The following PPP4R3B variants were observed in gnomAD, a reference collection of about 807,000 sequenced individuals.
PPP4R3B encodes the protein protein phosphatase 4 regulatory subunit 3B, also known as serine/threonine-protein phosphatase 4 regulatory subunit 3B.
In PPP4R3B, 52 loss-of-function variants were observed where a neutral mutation model predicts 95.4. The observed-to-expected ratio is 0.54, with a 90% CI of 0.44 to 0.69. PPP4R3B has a LOEUF of 0.69. Ranked by LOEUF, PPP4R3B falls within the 30% of genes least tolerant of loss-of-function variation. PPP4R3B has a pLI of 0.00. For synonymous variants in PPP4R3B, 407 were observed against 343.9 expected (o/e 1.18, Z -2.03); for missense variants, 1,003 against 1,005.9 (o/e 1.00, Z 0.04).
chr2:55,591,244 TTCCTCCC>T (rs1199884434), intron 4 of PPP4R3B, among the ~76,000 whole-genome samples: 2 of 151,530 alleles, frequency 1.3e-5, no homozygotes, highest in African/African-American at 2.4e-5. Context: ...TCAAGCAATC[TTCCTCCC>T]TCAGACTCCC....
At chr2:55,594,704 T>A (rs745520595) in intron 4 of PPP4R3B, among the ~76,000 whole-genome samples, 1 of 152,282 alleles carries the variant, frequency 6.6e-6, no homozygotes, top group East Asian at 1.9e-4. Flanking sequence ...CTCTGTCCAA[T>A]CTCCTAAGAT....
intron 16 of PPP4R3B, among the ~76,000 whole-genome samples, chr2:55,552,149 C>T (rs1685321192): frequency 6.6e-6 from 1 of 152,078 alleles, no homozygotes; most frequent in South Asian, 2.1e-4. Context: ...ACATTTAAAA[C>T]ATGTTTACAA....
intron 16 of PPP4R3B, among the ~76,000 whole-genome samples, chr2:55,558,289 C>G: frequency 6.6e-6 from 1 of 152,166 alleles, no homozygotes; most frequent in Middle Eastern, 3.2e-3. Context: ...AACTTAAGTG[C>G]TCCAAAATAG....
At chr2:55,617,044 T>C in intron 1 of PPP4R3B, 100 bp downstream of exon 1, 1 of 1,396,350 alleles carries the variant, frequency 7.2e-7, no homozygotes, top group South Asian at 1.4e-5. Flanking sequence ...CAACGCGCTG[T>C]CCCGAAGGAG....
At chr2:55,575,868 G>A (rs1201997164) in intron 11 of PPP4R3B, among the ~76,000 whole-genome samples, 3 of 152,200 alleles carry the variant, frequency 2.0e-5, no homozygotes, top group African/African-American at 4.8e-5. Flanking sequence ...GAACTACAAT[G>A]CTATTGGAAA....
chr2:55,586,970 G>T (rs1414088568), intron 5 of PPP4R3B, among the ~76,000 whole-genome samples: 9 of 152,300 alleles, frequency 5.9e-5, no homozygotes, highest in South Asian at 2.1e-4. Context: ...CAAGGTAAAT[G>T]TAAGCTGGCT....
intron 4 of PPP4R3B, among the ~76,000 whole-genome samples, chr2:55,596,018 GATAA>G (rs1373907215): frequency 1.3e-5 from 2 of 152,142 alleles, no homozygotes; most frequent in South Asian, 2.1e-4. Flanking sequence ...GGATTAACAT[GATAA>G]ATATAGTATA....
At chr2:55,609,203 G>A (rs1693834080) in intron 2 of PPP4R3B, among the ~76,000 whole-genome samples, 1 of 151,934 alleles carries the variant, frequency 6.6e-6, no homozygotes, top group Non-Finnish European at 1.5e-5. Context: ...CTGGAGTGCA[G>A]TTGGCTATTC....
At chr2:55,577,912 C>G (rs771395126) in intron 10 of PPP4R3B, among the ~76,000 whole-genome samples, 1 of 151,702 alleles carries the variant, frequency 6.6e-6, no homozygotes, top group South Asian at 2.1e-4. Context: ...CAGGGAAACA[C>G]AAGAATGTAA....
At chr2:55,586,109 T>G (rs1206843164) in intron 6 of PPP4R3B, among the ~76,000 whole-genome samples, 2 of 152,210 alleles carry the variant, frequency 1.3e-5, no homozygotes, top group African/African-American at 4.8e-5. Context: ...AAAGTTATAT[T>G]GATTTCAATC....
intron 16 of PPP4R3B, among the ~76,000 whole-genome samples, chr2:55,555,277 C>CA (rs1558936057): frequency 2.0e-5 from 1 of 50,226 alleles, no homozygotes; most frequent in Non-Finnish European, 5.2e-5. Flanking sequence ...AAGACTCCGT[C>CA]TAAAAAAAAA....
At chr2:55,564,770 C>T in intron 14 of PPP4R3B, 132 bp downstream of exon 14, 1 of 1,028,282 alleles carries the variant, frequency 9.7e-7, no homozygotes, top group South Asian at 1.5e-5. Flanking sequence ...GACGCCTTAC[C>T]CTCCTATTCA....
intron 4 of PPP4R3B, among the ~76,000 whole-genome samples, chr2:55,596,997 C>T (rs1055930048): frequency 5.3e-5 from 8 of 151,724 alleles, no homozygotes; most frequent in African/African-American, 9.7e-5. Context: ...GCTGCATCAT[C>T]GATATATATA....
chr2:55,599,587 G>T (rs189263006), intron 3 of PPP4R3B, among the ~76,000 whole-genome samples: 1 of 152,164 alleles, frequency 6.6e-6, no homozygotes, highest in African/African-American at 2.4e-5. Flanking sequence ...GTTGTGACAA[G>T]CCATTGAAAT....
intron 1 of PPP4R3B, 51 bp downstream of exon 1, chr2:55,617,093 G>A: frequency 1.3e-6 from 2 of 1,540,528 alleles, no homozygotes; most frequent in Non-Finnish European, 1.8e-6. Context: ...AACCCAAGCT[G>A]TGCCCCAACC....
intron 16 of PPP4R3B, 63 bp downstream of exon 16, chr2:55,558,712 T>C: frequency 7.8e-7 from 1 of 1,289,888 alleles, no homozygotes; most frequent in Non-Finnish European, 1.0e-6. Context: ...TTTTTTTCAG[T>C]AAACATGAAA....
chr2:55,579,172 G>A (rs57883523), intron 9 of PPP4R3B, among the ~76,000 whole-genome samples: 11 of 151,918 alleles, frequency 7.2e-5, no homozygotes, highest in African/African-American at 2.4e-4. Flanking sequence ...TACGGGTGCC[G>A]ATTACATAAG....
chr2:55,615,690 A>C (rs1451960618), intron 1 of PPP4R3B, among the ~76,000 whole-genome samples, 184 bp from the exon 2 acceptor site: 1 of 151,810 alleles, frequency 6.6e-6, no homozygotes, highest in Non-Finnish European at 1.5e-5. Context: ...CGTCTCTACT[A>C]AAAATACAAA....
At chr2:55,597,127 T>C (rs1691895178) in intron 4 of PPP4R3B, among the ~76,000 whole-genome samples, 1 of 152,030 alleles carries the variant, frequency 6.6e-6, no homozygotes, top group Admixed American at 6.6e-5. Flanking sequence ...GTTCTGGAAA[T>C]GGATAGTGGT....
Sources: allele counts gnomAD v4.1 joint callset (sites outside exome capture counted in the v4.1 genomes callset), GRCh38; gene constraint gnomAD v4.1.1; transcripts MANE v1.5; gene names NCBI Gene and HGNC (gene_info 2026-07-23, HGNC 2026-07-21).